The following POLR3B variants were observed in gnomAD, a reference collection of about 807,000 sequenced individuals.
POLR3B encodes the protein RNA polymerase III subunit B, also known as DNA-directed RNA polymerase III subunit RPC2.
Under a neutral mutation model 147.4 loss-of-function variants are expected in POLR3B, and 96 were observed. The observed-to-expected ratio is 0.65, with a 90% CI of 0.55 to 0.77. POLR3B has a LOEUF of 0.77. Ranked by LOEUF, POLR3B falls within the 30% of genes least tolerant of loss-of-function variation. The pLI is 0.00. For synonymous variants in POLR3B, 461 were observed against 485.9 expected (o/e 0.95, Z 0.67); for missense variants, 1,036 against 1,413.5 (o/e 0.73, Z 4.28).
chr12:106,425,339 C>T (rs1171322824), intron 12 of POLR3B, among the ~76,000 whole-genome samples: 1 of 152,170 alleles, frequency 6.6e-6, no homozygotes, highest in Non-Finnish European at 1.5e-5. Flanking sequence ...TGGCATTGCA[C>T]CTTTTCCTGG....
At chr12:106,421,703 A>T (rs923639031) in intron 12 of POLR3B, among the ~76,000 whole-genome samples, 3 of 151,472 alleles carry the variant, frequency 2.0e-5, no homozygotes, top group African/African-American at 7.3e-5. Flanking sequence ...CTTTATATAT[A>T]TATATATATT....
intron 9 of POLR3B, among the ~76,000 whole-genome samples, chr12:106,386,924 A>G (rs1170827535): frequency 6.6e-6 from 1 of 151,980 alleles, no homozygotes; most frequent in African/African-American, 2.4e-5. Flanking sequence ...AAAAGAAAAA[A>G]GTTTCTTCTG....
At chr12:106,463,999 G>T (rs566752018) in intron 23 of POLR3B, among the ~76,000 whole-genome samples, 3 of 152,038 alleles carry the variant, frequency 2.0e-5, no homozygotes, top group South Asian at 2.1e-4. Flanking sequence ...CATAGTGTCA[G>T]ATGTTAGCAC....
intron 24 of POLR3B, 172 bp downstream of exon 24, chr12:106,496,330 C>T: frequency 1.4e-6 from 1 of 698,212 alleles, no homozygotes; most frequent in South Asian, 1.5e-5. Flanking sequence ...CTGGGCCACT[C>T]CCCTCTACAT....
In POLR3B at chr12:106,509,636, G is replaced by T; in HGVS notation, c.*87G>T. ...GGGATTTAGGACTACGTCTCCTCCT[G>T]TGAAGAATTCCCTTGCGTATTCTCT... On this transcript the variant is annotated 3_prime_UTR_variant, in exon 28 of 28. Coordinates refer to ENST00000228347, the MANE Select transcript of POLR3B (RefSeq NM_018082.6). 8.2e-7 allele frequency: 1 copy of T among 1,219,626 alleles called. No individual in the cohort carries two copies. Among genetic ancestry groups the T allele is most frequent in the South Asian group, 1.2e-5 (1 of 80,750 alleles). 75.6% of individuals were successfully genotyped at this position (1,219,626 alleles called of 1,614,324 possible).
At chr12:106,477,906 T>C (rs1334792495) in intron 23 of POLR3B, among the ~76,000 whole-genome samples, 1 of 123,988 alleles carries the variant, frequency 8.1e-6, no homozygotes, top group African/African-American at 3.0e-5. Context: ...TTTTTTTTTT[T>C]TTTTTTTTTT....
At chr12:106,450,554 A>C (rs892268328) in intron 19 of POLR3B, among the ~76,000 whole-genome samples, 1 of 152,176 alleles carries the variant, frequency 6.6e-6, no homozygotes, top group Non-Finnish European at 1.5e-5. Flanking sequence ...AAAACCAAGC[A>C]CTTCACAAAG....
intron 23 of POLR3B, among the ~76,000 whole-genome samples, chr12:106,478,979 TC>T (rs1399296288): frequency 6.6e-6 from 1 of 152,162 alleles, no homozygotes; most frequent in East Asian, 1.9e-4. Context: ...TTTCTCTTTT[TC>T]CCTCCTTACC....
At chr12:106,414,058 T>A (rs890373718) in intron 12 of POLR3B, among the ~76,000 whole-genome samples, 12 of 151,820 alleles carry the variant, frequency 7.9e-5, no homozygotes, top group African/African-American at 2.4e-4. Flanking sequence ...TAGCTTTTTT[T>A]AATTCCATAT....
intron 23 of POLR3B, among the ~76,000 whole-genome samples, chr12:106,493,211 C>T (rs543464592): frequency 2.6e-5 from 4 of 152,240 alleles, no homozygotes; most frequent in East Asian, 1.9e-4. Flanking sequence ...TGAAGCGCAC[C>T]GCATATCATT....
intron 10 of POLR3B, among the ~76,000 whole-genome samples, chr12:106,394,749 G>T (rs1207832830): frequency 6.6e-6 from 1 of 152,192 alleles, no homozygotes; most frequent in Non-Finnish European, 1.5e-5. Flanking sequence ...AAGATGGCAG[G>T]AAAAGATGGA....
At chr12:106,399,477 T>C (rs540940546) in intron 10 of POLR3B, among the ~76,000 whole-genome samples, 2 of 152,216 alleles carry the variant, frequency 1.3e-5, no homozygotes, top group East Asian at 3.9e-4. Flanking sequence ...ATACAGAGAA[T>C]GCCACAAAGA....
intron 25 of POLR3B, 96 bp downstream of exon 25, chr12:106,497,014 A>C: frequency 7.9e-7 from 1 of 1,258,552 alleles, no homozygotes; most frequent in South Asian, 1.2e-5. Context: ...GTATACCTTC[A>C]GGCAAGCTTG....
At chr12:106,453,842 C>A (rs1327449549) in intron 19 of POLR3B, among the ~76,000 whole-genome samples, 1 of 152,082 alleles carries the variant, frequency 6.6e-6, no homozygotes, top group Non-Finnish European at 1.5e-5. Flanking sequence ...GGGAAGAGCC[C>A]ACCCCTGATT....
intron 9 of POLR3B, among the ~76,000 whole-genome samples, chr12:106,387,202 A>T (rs1006771268): frequency 6.6e-6 from 1 of 152,164 alleles, no homozygotes; most frequent in African/African-American, 2.4e-5. Context: ...ATACACATAC[A>T]TTTTTATTTT....
intron 9 of POLR3B, among the ~76,000 whole-genome samples, chr12:106,386,359 A>T (rs891813538): frequency 7.2e-5 from 11 of 151,756 alleles, no homozygotes; most frequent in Admixed American, 7.2e-4. Context: ...AAAAAAAAAG[A>T]AAACTTTATC....
At chr12:106,447,106 A>G (rs1405052925) in intron 19 of POLR3B, among the ~76,000 whole-genome samples, 1 of 152,206 alleles carries the variant, frequency 6.6e-6, no homozygotes, top group Non-Finnish European at 1.5e-5. Flanking sequence ...CAGAGCTTCT[A>G]TGTGGATTTT....
chr12:106,372,772 C>T (rs563858417), intron 6 of POLR3B, among the ~76,000 whole-genome samples: 3 of 152,248 alleles, frequency 2.0e-5, no homozygotes, highest in East Asian at 3.9e-4. Context: ...CTTCTCCCTT[C>T]GTCTTCCAAT....
intron 8 of POLR3B, 101 bp downstream of exon 8, chr12:106,378,485 AAGC>A: frequency 1.4e-6 from 1 of 703,290 alleles, no homozygotes; most frequent in South Asian, 1.8e-5. Context: ...TACCCTCTAA[AAGC>A]AGGCATTGTA....
Sources: allele counts gnomAD v4.1 joint callset (sites outside exome capture counted in the v4.1 genomes callset), GRCh38; gene constraint gnomAD v4.1.1; transcripts MANE v1.5; gene names NCBI Gene and HGNC (gene_info 2026-07-23, HGNC 2026-07-21).